Variants in ERC1 observed in about 807,000 individuals in gnomAD.
The protein encoded by ERC1 is ELKS/RAB6-interacting/CAST family member 1.
In ERC1, 56 loss-of-function variants were observed where a neutral mutation model predicts 132.0. The observed-to-expected ratio is 0.42, with a 90% CI of 0.34 to 0.53. The LOEUF (loss-of-function observed/expected upper bound fraction) is 0.53, where lower values mean the gene tolerates loss of function less well. Among genes scored for constraint, ERC1 ranks in the 20% least tolerant of loss-of-function variants. ERC1 has a pLI of 0.03. For missense variants in ERC1, 1,202 were observed against 1,349.9 expected, an observed-to-expected ratio of 0.89 and a Z score of 1.72; for synonymous variants, 478 against 476.1, an observed-to-expected ratio of 1.00 and a Z score of -0.05.
rs2094347685 is a variant in ERC1 at position 1,495,130 on chromosome 12, C to T, written c.*4900C>T. 1 of 229,942 alleles carries T rather than the reference C, an allele frequency of 4.3e-6. No individual in the cohort carries two copies. Among genetic ancestry groups the T allele is most frequent in the Non-Finnish European group, 8.6e-6 (1 of 116,060 alleles). 14.2% of individuals were successfully genotyped at this position (229,942 alleles called of 1,614,324 possible). A position where few individuals can be genotyped will look rare whatever the true frequency, so the allele number is the denominator to read the frequency against. On this transcript the variant is annotated 3_prime_UTR_variant, in exon 19 of 19. Transcript: ENST00000360905. Reference sequence around the variant, plus strand: ...CGACGTGGGTTCTAGCTCAGTGTGCCTAATACTGCATGGTAACCTGGGCTT... The same window carrying T: ...CGACGTGGGTTCTAGCTCAGTGTGCTTAATACTGCATGGTAACCTGGGCTT...
intron 2 of ERC1, among the ~76,000 whole-genome samples, chr12:1,074,257 A>G (rs1368619993): frequency 6.6e-6 from 1 of 152,034 alleles, no homozygotes; most frequent in African/African-American, 2.4e-5. Flanking sequence ...TGTATATAGA[A>G]TGCATTTATG....
chr12:1,289,707 A>AT (rs2079301984), intron 14 of ERC1, 145 bp from the exon 15 acceptor site: 1 of 617,106 alleles, frequency 1.6e-6, no homozygotes, highest in South Asian at 2.0e-5. Context: ...ATACACACAC[A>AT]TAACTGATCC....
At chr12:1,196,863 T>TCA (rs1956313557) in intron 12 of ERC1, among the ~76,000 whole-genome samples, 1 of 128,336 alleles carries the variant, frequency 7.8e-6, no homozygotes, top group African/African-American at 3.9e-5. Context: ...TCTCTCACTC[T>TCA]CTCTCTCTCT....
intron 1 of ERC1, chr12:991,921 T>G (rs1229207575): frequency 6.6e-6 from 1 of 151,946 alleles, no homozygotes; most frequent in Non-Finnish European, 1.5e-5. Context: ...GCAGAACCTA[T>G]TTTATTGCAC....
chr12:1,133,821 A>G (rs866353562), intron 7 of ERC1, among the ~76,000 whole-genome samples: 4 of 152,264 alleles, frequency 2.6e-5, no homozygotes, highest in Middle Eastern at 6.8e-3. Context: ...TCCTATCCCC[A>G]GCCCCTGGTA....
chr12:1,477,122 C>T (rs2093989630), intron 18 of ERC1, among the ~76,000 whole-genome samples: 1 of 121,430 alleles, frequency 8.2e-6, no homozygotes, highest in Non-Finnish European at 1.8e-5. Flanking sequence ...GTAGATCCAC[C>T]TTCATAATGG....
intron 16 of ERC1, among the ~76,000 whole-genome samples, chr12:1,383,559 GGGAGGC>G (rs2088955371): frequency 6.6e-6 from 1 of 152,148 alleles, no homozygotes; most frequent in South Asian, 2.1e-4. Context: ...ACTTGAACCT[GGGAGGC>G]GGAGGTTGCA....
intron 18 of ERC1, 141 bp downstream of exon 18, chr12:1,444,891 T>TGTA: frequency 1.6e-6 from 1 of 632,888 alleles, no homozygotes; most frequent in East Asian, 2.9e-5. Context: ...CCCGTTGCTG[T>TGTA]GTAGGTTCAT....
chr12:1,118,844 A>G (rs970078852), intron 7 of ERC1, among the ~76,000 whole-genome samples: 1 of 152,182 alleles, frequency 6.6e-6, no homozygotes, highest in African/African-American at 2.4e-5. Context: ...GTATATATGA[A>G]AAAAGAACAT....
chr12:1,359,553 C>T (rs949449555), intron 15 of ERC1, among the ~76,000 whole-genome samples: 4 of 152,114 alleles, frequency 2.6e-5, no homozygotes, highest in Non-Finnish European at 4.4e-5. Context: ...AGGCGGAAGG[C>T]AGGTAAAAGG....
intron 13 of ERC1, among the ~76,000 whole-genome samples, 153 bp downstream of exon 13, chr12:1,237,057 A>AT (rs369109348): frequency 7.4e-4 from 113 of 152,314 alleles, no homozygotes; most frequent in African/African-American, 2.5e-3. Flanking sequence ...CAATGAAGGA[A>AT]TGGCTTTAAG....
At chr12:1,080,444 A>G (rs1466613713) in intron 2 of ERC1, among the ~76,000 whole-genome samples, 9 of 152,186 alleles carry the variant, frequency 5.9e-5, no homozygotes, top group Admixed American at 5.9e-4. Flanking sequence ...GTGTTGTAGC[A>G]TGTGTAAGAA....
intron 18 of ERC1, among the ~76,000 whole-genome samples, chr12:1,462,829 A>G (rs2093668953): frequency 6.6e-6 from 1 of 152,250 alleles, no homozygotes. Context: ...CGTTTAAAAA[A>G]AATACTCCGC....
intron 1 of ERC1, among the ~76,000 whole-genome samples, chr12:1,018,203 T>TTTTA (rs1460607310): frequency 6.6e-6 from 1 of 152,098 alleles, no homozygotes; most frequent in Non-Finnish European, 1.5e-5. Flanking sequence ...ATGGAATTTG[T>TTTTA]TTTATTTATT....
rs187422091 is a variant in ERC1, at chr12:1,016,707, C to G, written c.-156-11041C>G. ...TCACCCAGGCTGGAGTGCAGTGGTG[C>G]GATCTCGATCTCGGCTCACTGCAAC... is the stretch of plus-strand genomic sequence containing the variant. On this transcript the variant is annotated intron_variant, in intron 1 of 18. Coordinates refer to ENST00000360905, the MANE Select transcript of ERC1 (RefSeq NM_178040.4). Among the ~76,000 whole-genome samples the G allele has an allele frequency of 9.0e-3, 1,191 of 132,970 alleles. 9 individuals carry two copies. The highest frequency in any genetic ancestry group is 0.012 in the Non-Finnish European group (782 of 63,258). 87.2% of individuals were successfully genotyped at this position (132,970 alleles called of 152,430 possible). A position where few individuals can be genotyped will look rare whatever the true frequency, so the allele number is the denominator to read the frequency against.
intron 18 of ERC1, among the ~76,000 whole-genome samples, chr12:1,446,433 C>A (rs7298645): frequency 0.047 from 7,181 of 152,238 alleles, 583 homozygotes; most frequent in African/African-American, 0.16. Context: ...TCCTTACCCC[C>A]TATAGATTCA....
At chr12:1,328,710 G>A (rs926267339) in intron 15 of ERC1, among the ~76,000 whole-genome samples, 3 of 151,048 alleles carry the variant, frequency 2.0e-5, no homozygotes, top group Admixed American at 6.6e-5. Flanking sequence ...GACAAATGAT[G>A]CTATAGGAGG....
At chr12:1,131,496 C>G (rs1020650565) in intron 7 of ERC1, among the ~76,000 whole-genome samples, 1 of 152,122 alleles carries the variant, frequency 6.6e-6, no homozygotes, top group Non-Finnish European at 1.5e-5. Context: ...GAGTCTCTCT[C>G]TGTCACCCAG....
At chr12:1,405,609 A>G (rs1391773886) in intron 16 of ERC1, among the ~76,000 whole-genome samples, 1 of 152,192 alleles carries the variant, frequency 6.6e-6, no homozygotes, top group Non-Finnish European at 1.5e-5. Flanking sequence ...AGGCTGAGGC[A>G]GGAGAATCAC....
Sources: gnomAD v4.1 joint callset for allele counts (sites outside exome capture counted in the v4.1 genomes callset) on GRCh38, gnomAD v4.1.1 for gene constraint, MANE v1.5 for transcripts, NCBI Gene and HGNC (gene_info 2026-07-23, HGNC 2026-07-21) for gene names.